SH3D19: variants seen among roughly 807,000 people sequenced by gnomAD.
SH3D19 encodes SH3 domain-containing protein 19.
Under a neutral mutation model 112.1 loss-of-function variants are expected in SH3D19, and 58 were observed. That is an observed-to-expected ratio of 0.52 (90% CI 0.42 to 0.64). The LOEUF (loss-of-function observed/expected upper bound fraction) is 0.64. Among genes scored for constraint, SH3D19 ranks in the 30% least tolerant of loss-of-function variants. The probability of loss-of-function intolerance (pLI) is 0.00; values close to 1 mark genes in which losing one functional copy is unlikely to be tolerated. For missense variants in SH3D19, 1,090 were observed against 1,263.4 expected (o/e 0.86, Z 2.08); for synonymous variants, 391 against 448.5 (o/e 0.87, Z 1.62).
Position 151,189,085 on chromosome 4 carries a change from G to T in SH3D19, c.153-1622C>A, listed in dbSNP as rs184086358. ...AGACTTCCAGCTTCCAAGACTGTGAGACAGTAAGTTTCTGTTTTTGTTTTT... is the reference window on the plus strand; with the variant it reads ...AGACTTCCAGCTTCCAAGACTGTGATACAGTAAGTTTCTGTTTTTGTTTTT... On this transcript the variant is annotated intron_variant, in intron 2 of 19. Coordinates refer to ENST00000604030, the MANE Select transcript of SH3D19 (RefSeq NM_001378122.1). 9.3e-4 allele frequency among the ~76,000 whole-genome samples: 141 copies of T among 152,184 alleles called. 2 individuals carry two copies. Among genetic ancestry groups the T allele is most frequent in the Admixed American group, 9.1e-3 (139 of 15,274 alleles).
intron 6 of SH3D19, 44 bp downstream of exon 6, chr4:151,176,490 C>G (rs777138933): frequency 8.1e-7 from 1 of 1,229,298 alleles, no homozygotes; most frequent in Non-Finnish European, 1.0e-6. Context: ...GATTACTTCC[C>G]TAGAACTAGG....
At chr4:151,174,544 TGCA>T in intron 7 of SH3D19, 123 bp downstream of exon 7, 1 of 741,912 alleles carries the variant, frequency 1.3e-6, no homozygotes, top group Non-Finnish European at 2.0e-6. Context: ...TACACACACA[TGCA>T]TGTGCACATA....
chr4:151,252,722 G>A (rs1349051305), intron 1 of SH3D19, among the ~76,000 whole-genome samples: 2 of 152,188 alleles, frequency 1.3e-5, no homozygotes, highest in East Asian at 1.9e-4. Context: ...CATCGATCAA[G>A]CATCTTAAAC....
intron 1 of SH3D19, among the ~76,000 whole-genome samples, chr4:151,284,197 G>A (rs948337529): frequency 4.6e-5 from 7 of 152,076 alleles, no homozygotes; most frequent in Non-Finnish European, 7.3e-5. Flanking sequence ...TCCCCTTCTA[G>A]ATGAAACCAT....
intron 1 of SH3D19, chr4:151,280,027 A>C: frequency 2.2e-6 from 2 of 923,734 alleles, no homozygotes; most frequent in Non-Finnish European, 2.9e-6. Context: ...TCATGAATGA[A>C]CCAAAAGACA....
Position 151,128,245 on chromosome 4 carries a change from C to A in SH3D19, c.2854G>T (p.Asp952Tyr). 6.2e-7 allele frequency: 1 copy of A among 1,614,148 alleles called. No homozygotes were observed. The highest frequency in any genetic ancestry group is 8.5e-7 in the Non-Finnish European group (1 of 1,180,014). ...GDRIQILERL[D>Y]SDWCRGRLQD... ...AGTCTGCCCCTGCACCAGTCAGAAT[C>A]CAGACGTTCCAGAATCTGGATCCGG... The change falls in exon 18 of 20, where the codon GAT becomes TAT. Residue 952 changes from aspartate to tyrosine, a missense_variant. Physicochemically the swap from Asp to Tyr is radical, Grantham distance 160. Coordinates refer to ENST00000604030, the MANE Select transcript of SH3D19 (RefSeq NM_001378122.1).
intron 2 of SH3D19, among the ~76,000 whole-genome samples, chr4:151,217,314 A>T (rs1343762306): frequency 6.6e-6 from 1 of 152,204 alleles, no homozygotes; most frequent in Non-Finnish European, 1.5e-5. Flanking sequence ...GTCAAAATAA[A>T]ATCTTCAACA....
chr4:151,168,252 T>A (rs955994351), intron 7 of SH3D19, among the ~76,000 whole-genome samples: 20 of 152,070 alleles, frequency 1.3e-4, no homozygotes, highest in Non-Finnish European at 2.6e-4. Context: ...GAACTTCAGT[T>A]GTGGGCAGAA....
chr4:151,292,181 C>G (rs951732769), intron 1 of SH3D19, among the ~76,000 whole-genome samples: 4 of 152,120 alleles, frequency 2.6e-5, no homozygotes, highest in African/African-American at 9.6e-5. Flanking sequence ...TGCCTGTGGT[C>G]TCAGCTACTT....
chr4:151,128,020 TATGA>T (rs963155140), intron 18 of SH3D19, 146 bp downstream of exon 18: 2 of 555,678 alleles, frequency 3.6e-6, no homozygotes, highest in Non-Finnish European at 5.9e-6. Context: ...TAACAAAGCA[TATGA>T]ATGAAGTTTG....
At chr4:151,183,438 C>T (rs1761263616) in intron 3 of SH3D19, among the ~76,000 whole-genome samples, 1 of 152,158 alleles carries the variant, frequency 6.6e-6, no homozygotes, top group Admixed American at 6.5e-5. Context: ...AGACCCTCAG[C>T]GATCGTCCTA....
At chr4:151,169,512 C>T (rs558238320) in intron 7 of SH3D19, among the ~76,000 whole-genome samples, 9 of 152,126 alleles carry the variant, frequency 5.9e-5, no homozygotes, top group Non-Finnish European at 1.0e-4. Context: ...TTCAATGAGA[C>T]GGTGGAGCCA....
chr4:151,146,700 T>G (rs558223296), intron 11 of SH3D19, among the ~76,000 whole-genome samples: 3 of 152,256 alleles, frequency 2.0e-5, no homozygotes, highest in African/African-American at 7.2e-5. Flanking sequence ...GCCCAGCTAA[T>G]TTTTGTATTT....
At chr4:151,213,585 C>T (rs1447018690) in intron 2 of SH3D19, among the ~76,000 whole-genome samples, 1 of 152,056 alleles carries the variant, frequency 6.6e-6, no homozygotes, top group Non-Finnish European at 1.5e-5. Context: ...GTCAAGGCTG[C>T]AGTGAGCCGT....
chr4:151,178,773 G>C (rs1027302844), intron 4 of SH3D19, among the ~76,000 whole-genome samples: 1 of 152,016 alleles, frequency 6.6e-6, no homozygotes, highest in Non-Finnish European at 1.5e-5. Context: ...CTATCTGATT[G>C]AATGTCATGA....
intron 6 of SH3D19, 64 bp from the exon 7 acceptor site, chr4:151,175,738 GA>G: frequency 8.2e-7 from 1 of 1,220,252 alleles, no homozygotes; most frequent in South Asian, 4.2e-5. Flanking sequence ...AATGTATAAG[GA>G]AAAAAATAGA....
rs1177218801 is a variant in SH3D19 at position 151,138,686 on chromosome 4, T to TCACA, written c.2297-828_2297-825dup. 4.4e-3 allele frequency among the ~76,000 whole-genome samples: 236 copies of TCACA among 54,150 alleles called. 2 individuals are homozygous for TCACA. The highest frequency in any genetic ancestry group is 0.033 in the South Asian group (59 of 1,774). The allele number at this position is 54,150 out of a possible 152,430, so 35.5% of individuals were successfully genotyped here. On this transcript the variant is annotated intron_variant, in intron 13 of 19. Transcript: ENST00000604030. ...CTAGGCGACAGAGCAAGATCTTGTC[T>TCACA]CACACACACACACACACACACACAC...
At chr4:151,241,292 T>C (rs1770535094) in intron 1 of SH3D19, among the ~76,000 whole-genome samples, 1 of 151,806 alleles carries the variant, frequency 6.6e-6, no homozygotes, top group Admixed American at 6.6e-5. Context: ...GCCCTATCTT[T>C]ATAAATAAAT....
intron 1 of SH3D19, among the ~76,000 whole-genome samples, chr4:151,308,622 T>C (rs1729146362): frequency 6.6e-6 from 1 of 152,194 alleles, no homozygotes; most frequent in South Asian, 2.1e-4. Context: ...GAATTGTGGC[T>C]GACCAACCTA....
Sources: gnomAD v4.1 joint callset for allele counts (sites outside exome capture counted in the v4.1 genomes callset) on GRCh38, gnomAD v4.1.1 for gene constraint, MANE v1.5 for transcripts, NCBI Gene and HGNC (gene_info 2026-07-23, HGNC 2026-07-21) for gene names.